The following UBAC2 variants were observed in gnomAD, a reference collection of about 807,000 sequenced individuals.
UBAC2 encodes the protein ubiquitin-associated domain-containing protein 2.
Under a neutral mutation model 44.0 loss-of-function variants are expected in UBAC2, and 26 were observed. The ratio of observed to expected loss-of-function variants is 0.59; its 90% CI spans 0.43 to 0.82. The LOEUF (loss-of-function observed/expected upper bound fraction) is 0.82, where lower values mean the gene tolerates loss of function less well. Ranked by LOEUF, UBAC2 falls within the 40% of genes least tolerant of loss-of-function variation. The pLI is 0.00. For missense variants in UBAC2, 329 were observed against 419.4 expected, an observed-to-expected ratio of 0.78 and a Z score of 1.88; for synonymous variants, 155 against 154.3, an observed-to-expected ratio of 1.00 and a Z score of -0.04.
Position 99,360,099 on chromosome 13 carries a change from ATTTTACTC to A in UBAC2, c.808-7682_808-7675del, listed in dbSNP as rs1327221396. ...AATGCCCCCTCTGTAATTGTTCTCC[ATTTTACTC>A]TTTTATGGGGCACCAACTTGTACGA... On this transcript the variant is annotated intron_variant, in intron 7 of 8. Transcript: ENST00000403766. Among the ~76,000 whole-genome samples, 3 of 146,672 alleles carry A rather than the reference ATTTTACTC, an allele frequency of 2.0e-5. No individual in the cohort carries two copies. In the East Asian group the frequency reaches 5.8e-4, roughly 28 times the overall value.
intron 4 of UBAC2, chr13:99,261,656 A>G (rs2043663682): frequency 6.6e-6 from 1 of 152,316 alleles, no homozygotes; most frequent in South Asian, 2.1e-4. Context: ...ATATCTAACC[A>G]TATATAAGTG....
intron 4 of UBAC2, among the ~76,000 whole-genome samples, chr13:99,248,904 C>G (rs1007052083): frequency 1.4e-4 from 22 of 152,206 alleles, no homozygotes; most frequent in Non-Finnish European, 2.9e-5. Context: ...GGCCTCCTCT[C>G]TGTCTTCTTT....
chr13:99,225,759 C>T (rs941954981), intron 1 of UBAC2, among the ~76,000 whole-genome samples: 4 of 152,222 alleles, frequency 2.6e-5, no homozygotes, highest in South Asian at 2.1e-4. Context: ...TGAAGATGGG[C>T]GGATGGACAA....
At chr13:99,239,514 A>G (rs2043276732) in intron 2 of UBAC2, among the ~76,000 whole-genome samples, 1 of 152,214 alleles carries the variant, frequency 6.6e-6, no homozygotes, top group Non-Finnish European at 1.5e-5. Flanking sequence ...ATTGCTGTAC[A>G]TTTAAAAACA....
intron 1 of UBAC2, among the ~76,000 whole-genome samples, chr13:99,222,209 G>T (rs1227601288): frequency 1.3e-5 from 2 of 152,168 alleles, no homozygotes; most frequent in African/African-American, 4.8e-5. Flanking sequence ...AGAATTTCAA[G>T]TAGTAAAGAA....
At chr13:99,350,098 A>G (rs1162002814) in intron 7 of UBAC2, among the ~76,000 whole-genome samples, 1 of 152,186 alleles carries the variant, frequency 6.6e-6, no homozygotes, top group Non-Finnish European at 1.5e-5. Flanking sequence ...CCTAGGTTAT[A>G]TTAGTAATGC....
chr13:99,336,621 T>G (rs574543488), intron 6 of UBAC2, among the ~76,000 whole-genome samples: 51 of 152,288 alleles, frequency 3.3e-4, no homozygotes, highest in African/African-American at 1.2e-3. Context: ...ATCCTATTTC[T>G]AGGCTCTTGT....
intron 1 of UBAC2, among the ~76,000 whole-genome samples, chr13:99,226,649 T>G (rs527916489): frequency 6.6e-6 from 1 of 152,334 alleles, no homozygotes; most frequent in South Asian, 2.1e-4. Context: ...CCTGTAGGGC[T>G]CTGGACCATT....
chr13:99,247,463 C>T (rs888163193), intron 4 of UBAC2, among the ~76,000 whole-genome samples: 4 of 152,010 alleles, frequency 2.6e-5, no homozygotes, highest in African/African-American at 9.7e-5. Context: ...ATCCGCCCGC[C>T]TCGGCCTCCC....
intron 1 of UBAC2, among the ~76,000 whole-genome samples, chr13:99,213,474 C>T (rs1594001803): frequency 6.6e-6 from 1 of 151,948 alleles, no homozygotes; most frequent in East Asian, 1.9e-4. Flanking sequence ...GATTCTCCTG[C>T]CTCAGCCTCC....
chr13:99,201,447 A>G (rs2142624477), intron 1 of UBAC2: 2 of 1,614,020 alleles, frequency 1.2e-6, no homozygotes, highest in South Asian at 1.1e-5. Context: ...AAGAGTTTTT[A>G]GACAAACACA....
chr13:99,242,480 G>C, intron 2 of UBAC2, among the ~76,000 whole-genome samples: 1 of 143,144 alleles, frequency 7.0e-6, no homozygotes, highest in Non-Finnish European at 1.5e-5. Flanking sequence ...CTCCCTCCCC[G>C]ACGGGGCGGC....
chr13:99,202,842 A>G (rs1476964639), intron 1 of UBAC2, among the ~76,000 whole-genome samples: 1 of 152,110 alleles, frequency 6.6e-6, no homozygotes, highest in Non-Finnish European at 1.5e-5. Flanking sequence ...CCTCTGGGCG[A>G]TGAACTGGGC....
At chr13:99,263,746 A>G (rs73565974) in intron 4 of UBAC2, among the ~76,000 whole-genome samples, 1,524 of 152,314 alleles carry the variant, frequency 0.01, 30 homozygotes, top group African/African-American at 0.035. Context: ...TGAATGTTCA[A>G]CTATAGCATG....
chr13:99,238,303 T>C, intron 1 of UBAC2, 124 bp from the exon 2 acceptor site: 1 of 1,296,520 alleles, frequency 7.7e-7, no homozygotes, highest in Non-Finnish European at 1.0e-6. Flanking sequence ...GAACCAAATT[T>C]CAGAGTTTCT....
At chr13:99,221,994 C>G (rs554477809) in intron 1 of UBAC2, among the ~76,000 whole-genome samples, 4 of 152,138 alleles carry the variant, frequency 2.6e-5, no homozygotes, top group Non-Finnish European at 5.9e-5. Context: ...CTGTATAAAT[C>G]TGAGAAGAGT....
chr13:99,284,060 C>G (rs2043988360), intron 4 of UBAC2, among the ~76,000 whole-genome samples: 1 of 152,162 alleles, frequency 6.6e-6, no homozygotes, highest in African/African-American at 2.4e-5. Context: ...AAAGGTAAAA[C>G]AGTCTAGTTA....
chr13:99,292,394 G>A (rs988831426), intron 4 of UBAC2, among the ~76,000 whole-genome samples: 4 of 151,606 alleles, frequency 2.6e-5, no homozygotes, highest in Non-Finnish European at 5.9e-5. Flanking sequence ...CACCCGCCTC[G>A]GCCTCCCAAA....
At chr13:99,258,103 A>G (rs951668704) in intron 4 of UBAC2, 2 of 152,248 alleles carry the variant, frequency 1.3e-5, no homozygotes, top group Non-Finnish European at 2.9e-5. Context: ...AATGCAGTAC[A>G]TAAAGCATTA....
Sources: gnomAD v4.1 joint callset for allele counts (sites outside exome capture counted in the v4.1 genomes callset) on GRCh38, gnomAD v4.1.1 for gene constraint, MANE v1.5 for transcripts, NCBI Gene and HGNC (gene_info 2026-07-23, HGNC 2026-07-21) for gene names.